CLPTM1: variants seen among roughly 807,000 people sequenced by gnomAD.
The protein encoded by CLPTM1 is putative lipid scramblase CLPTM1.
In CLPTM1, 21 loss-of-function variants were observed where a neutral mutation model predicts 77.3. The ratio of observed to expected loss-of-function variants is 0.27; its 90% CI spans 0.19 to 0.39. The LOEUF (loss-of-function observed/expected upper bound fraction) is 0.39. Among genes scored for constraint, CLPTM1 ranks in the 10% least tolerant of loss-of-function variants. CLPTM1 has a pLI of 1.00. For synonymous variants in CLPTM1, 373 were observed against 381.0 expected (o/e 0.98, Z 0.24); for missense variants, 642 against 921.2 (o/e 0.70, Z 3.92).
chr19:44,984,253 C>G (rs1970943997), intron 5 of CLPTM1: 1 of 152,240 alleles, frequency 6.6e-6, no homozygotes, highest in Non-Finnish European at 1.5e-5. Flanking sequence ...GTGCAGGCGC[C>G]CCATGTGTAT....
At position 44,964,298 on chromosome 19, in the gene CLPTM1, C is replaced by CTTTTTTTTTTTTTTTTTTTTTTTTTTT. The variant is rs35539206; in HGVS notation, c.185+2227_185+2253dup. The stretch of plus-strand genomic sequence containing the variant: ...TTTTAACCTATGTTTTCATTTTAAC[C>CTTTTTTTTTTTTTTTTTTTTTTTTTTT]TTTTTTTTTTTTTTTTTTTTTTTTT... On this transcript the variant is annotated intron_variant, in intron 2 of 13. Transcript: ENST00000337392. 5.9e-5 allele frequency among the ~76,000 whole-genome samples: 4 copies of CTTTTTTTTTTTTTTTTTTTTTTTTTTT among 68,120 alleles called. 1 individual carries two copies. The highest frequency in any genetic ancestry group is 1.2e-4 in the African/African-American group (2 of 16,010). The allele number at this position is 68,120 out of a possible 152,430, so 44.7% of individuals were successfully genotyped here.
Position 44,992,380 on chromosome 19 carries a change from G to C in CLPTM1, c.1703G>C (p.Arg568Pro). 1 of 1,614,124 alleles carries C rather than the reference G, an allele frequency of 6.2e-7. No homozygotes were observed. The highest frequency in any genetic ancestry group is 2.2e-5 in the East Asian group (1 of 44,872). ...AFVIKMPVMYRIGCLRDDVVF... is the reference protein window; with the variant it reads ...AFVIKMPVMYPIGCLRDDVVF... ...GTCATCAAGATGCCCGTTATGTACC[G>C]GATCGGCTGCCTGCGGGACGGTGAG... Residue 568 changes from arginine to proline, a missense_variant, in exon 13 of 14, where the codon CGG becomes CCG. By Grantham distance (103) the Arg-to-Pro change is moderately radical. Around this residue, in one of 2 missense-constraint regions of CLPTM1, gnomAD observed 521 missense variants for 800.4 expected, o/e 0.65. Coordinates refer to ENST00000337392, the MANE Select transcript of CLPTM1 (RefSeq NM_001294.4). The surrounding 1 kb of genome is among the most constrained non-coding windows in gnomAD (Gnocchi z 7.7).
Position 44,990,611 on chromosome 19 carries a change from C to T in CLPTM1, c.1323+26C>T, listed in dbSNP as rs754624920. On this transcript the variant is annotated intron_variant, in intron 10 of 13. Coordinates refer to ENST00000337392, the MANE Select transcript of CLPTM1 (RefSeq NM_001294.4). The surrounding 1 kb of genome is among the most constrained non-coding windows in gnomAD (Gnocchi z 4.8). ...GTAAGGCTGGGGCGCCATGCTGTCT[C>T]GGGAGCTGCAGGGGTTGGGAGGGGG... 1.7e-5 allele frequency: 27 copies of T among 1,608,894 alleles called. No homozygotes were observed. Among genetic ancestry groups the T allele is most frequent in the Admixed American group, 3.3e-5 (2 of 59,834 alleles).
In CLPTM1 at chr19:44,990,260, C is replaced by G; in HGVS notation, c.1133-135C>G. On this transcript the variant is annotated intron_variant, in intron 9 of 13. Coordinates refer to ENST00000337392, the MANE Select transcript of CLPTM1 (RefSeq NM_001294.4). This position sits in a 1 kb window ranked among gnomAD's most constrained non-coding sequence, Gnocchi z 4.8. ...GAGAGCCTTCCTGGGAGAGAGGGGTCTCGTTCAGCACCCCTCCTGAGGACC... is the reference window on the plus strand; with the variant it reads ...GAGAGCCTTCCTGGGAGAGAGGGGTGTCGTTCAGCACCCCTCCTGAGGACC... 2 of 815,966 alleles carry G rather than the reference C, an allele frequency of 2.5e-6. No homozygotes were observed. Among genetic ancestry groups the G allele is most frequent in the East Asian group, 2.5e-5 (1 of 40,756 alleles). The allele number at this position is 815,966 out of a possible 1,614,324, so 50.5% of individuals were successfully genotyped here.
chr19:44,992,864 T>G lies in CLPTM1; in HGVS notation c.1977T>G (p.Pro659=). Residue 659 remains proline (P), a synonymous_variant, in exon 14 of 14, where the codon CCT becomes CCG. Coordinates refer to ENST00000337392, the MANE Select transcript of CLPTM1 (RefSeq NM_001294.4). The surrounding 1 kb of genome is among the most constrained non-coding windows in gnomAD (Gnocchi z 7.7). ...ASSASEPQEA[P]PKPAEDKKKD ...CTGCCAGCGAGCCCCAGGAAGCCCC[T>G]CCAAAGCCAGCAGAGGACAAGAAAA... is the stretch of plus-strand genomic sequence containing the variant. The G allele has an allele frequency of 6.2e-7, 1 of 1,613,414 alleles. No individual in the cohort carries two copies. Among genetic ancestry groups the G allele is most frequent in the Non-Finnish European group, 8.5e-7 (1 of 1,179,842 alleles).
Position 44,992,954 on chromosome 19 carries a change from C to A in CLPTM1, c.*57C>A. On this transcript the variant is annotated 3_prime_UTR_variant, in exon 14 of 14. Transcript: ENST00000337392. The surrounding 1 kb of genome is among the most constrained non-coding windows in gnomAD (Gnocchi z 7.7). ...GGCGACCACTACCCCTGCGTCCCGG[C>A]CCCCTCGCCTCCCCTCCCTGTCGCC... 1 of 1,560,124 alleles carries A rather than the reference C, an allele frequency of 6.4e-7. No individual in the cohort carries two copies. Among genetic ancestry groups the A allele is most frequent in the South Asian group, 1.1e-5 (1 of 87,570 alleles).
Position 44,974,607 on chromosome 19 carries a change from G to A in CLPTM1, c.468+10G>A. On this transcript the variant is annotated intron_variant, in intron 4 of 13. Transcript: ENST00000337392. Reference sequence around the variant, plus strand: ...GCTCGATATCCCACAGGTGGGGGCAGCTCTCGGTTTCTGGCCCCATGGCTG... The same window carrying A: ...GCTCGATATCCCACAGGTGGGGGCAACTCTCGGTTTCTGGCCCCATGGCTG... 1 of 1,611,162 alleles carries A rather than the reference G, an allele frequency of 6.2e-7. No homozygotes were observed. The highest frequency in any genetic ancestry group is 1.7e-5 in the Admixed American group (1 of 59,790).
At chr19:44,989,449 C>T (rs775998340) in intron 9 of CLPTM1, among the ~76,000 whole-genome samples, 4 of 152,090 alleles carry the variant, frequency 2.6e-5, no homozygotes, top group African/African-American at 7.2e-5. Flanking sequence ...ACTGCTCCCA[C>T]GAGAACCCAC....
chr19:44,965,780 C>T (rs1479793413), intron 2 of CLPTM1, among the ~76,000 whole-genome samples: 1 of 152,246 alleles, frequency 6.6e-6, no homozygotes, highest in South Asian at 2.1e-4. Flanking sequence ...TGCCACTGCA[C>T]TCCAGCCTAG....
In CLPTM1 at chr19:44,977,361, T is replaced by A; in HGVS notation, c.487T>A (p.Ser163Thr). The change falls in exon 5 of 14, where the codon TCC becomes ACC. Residue 163 changes from serine (S) to threonine (T), a missense_variant. This residue lies in a region of CLPTM1 where 521 missense variants were observed against 800.4 expected (regional missense o/e 0.65). Transcript: ENST00000337392. ...DIPQSVQQNG[S>T]IYIHVYFTKS... ...TTTGCAGAGCGTCCAGCAGAACGGC[T>A]CCATCTACATCCACGTTTACTTCAC... is the stretch of plus-strand genomic sequence containing the variant. The A allele has an allele frequency of 6.2e-7, 1 of 1,609,590 alleles. No individual in the cohort carries two copies. The highest frequency in any genetic ancestry group is 8.5e-7 in the Non-Finnish European group (1 of 1,179,850).
rs200813739 is a variant in CLPTM1 at position 44,991,248 on chromosome 19, G to A, written c.1430G>A (p.Arg477Gln). ...CCTGTGGCCCCACAGATGGCATTCC[G>A]GTACCTGTCCTGGATCCTCTTCCCG... Reference protein sequence around the residue: ...STKVYDDMAFRYLSWILFPLL... With the variant: ...STKVYDDMAFQYLSWILFPLL... The change falls in exon 12 of 14, where the codon CGG becomes CAG. Residue 477 changes from arginine to glutamine, a missense_variant. Physicochemically the swap from Arg to Gln is conservative, Grantham distance 43 (BLOSUM62 1). Transcript: ENST00000337392. The surrounding 1 kb of genome is among the most constrained non-coding windows in gnomAD (Gnocchi z 5.4). 75 of 1,613,832 alleles carry A rather than the reference G, an allele frequency of 4.6e-5. No homozygotes were observed. The highest frequency in any genetic ancestry group is 2.2e-4 in the South Asian group (20 of 91,082).
Position 44,993,066 on chromosome 19 carries a change from G to A in CLPTM1, c.*169G>A. 4.6e-6 allele frequency: 4 copies of A among 865,640 alleles called. No individual in the cohort carries two copies. The highest frequency in any genetic ancestry group is 7.6e-6 in the Non-Finnish European group (4 of 527,996). The allele number at this position is 865,640 out of a possible 1,614,324, so 53.6% of individuals were successfully genotyped here. A position where few individuals can be genotyped will look rare whatever the true frequency, so the allele number is the denominator to read the frequency against. ...GTGATGTAGGGGCCGGGGCAGGCCAGGGTTTGTTTGTGGAGGCGCTGTCTG... is the reference window on the plus strand; with the variant it reads ...GTGATGTAGGGGCCGGGGCAGGCCAAGGTTTGTTTGTGGAGGCGCTGTCTG... On this transcript the variant is annotated 3_prime_UTR_variant, in exon 14 of 14. Coordinates refer to ENST00000337392, the MANE Select transcript of CLPTM1 (RefSeq NM_001294.4).
intron 5 of CLPTM1, among the ~76,000 whole-genome samples, chr19:44,982,346 CA>C (rs200485766): frequency 0.33 from 43,589 of 132,554 alleles, 6,408 homozygotes; most frequent in East Asian, 0.5. Context: ...GAGACTATGT[CA>C]AAAAAAAAAA....
At position 44,990,519 on chromosome 19, in the gene CLPTM1, C is replaced by T. The variant is rs780051742; in HGVS notation, c.1257C>T (p.Val419=). The T allele has an allele frequency of 1.9e-6, 3 of 1,614,140 alleles. No individual in the cohort carries two copies. The highest frequency in any genetic ancestry group is 2.5e-6 in the Non-Finnish European group (3 of 1,180,006). ...TGGACAACGAGACCAACTTCGTGGTCCAGGTCAGCGTCTTCATTGGGGTCC... is the reference window on the plus strand; with the variant it reads ...TGGACAACGAGACCAACTTCGTGGTTCAGGTCAGCGTCTTCATTGGGGTCC... ...YILDNETNFV[V]QVSVFIGVLI... Residue 419 remains valine (V), a synonymous_variant, in exon 10 of 14, where the codon GTC becomes GTT. Transcript: ENST00000337392. This position sits in a 1 kb window ranked among gnomAD's most constrained non-coding sequence, Gnocchi z 4.8.
intron 2 of CLPTM1, among the ~76,000 whole-genome samples, chr19:44,962,561 G>C (rs150004902): frequency 6.6e-6 from 1 of 152,014 alleles, no homozygotes; most frequent in Non-Finnish European, 1.5e-5. Context: ...TGTGTCCTAA[G>C]CTCCTCTTAT....
upstream of CLPTM1, chr19:44,955,319 G>A (rs767001569): frequency 4.2e-5 from 54 of 1,277,514 alleles, no homozygotes; most frequent in Admixed American, 1.8e-4. Flanking sequence ...AGGAAAGCGT[G>A]AAATCTCGCG....
At chr19:44,977,660 G>C (rs1193161365) in intron 5 of CLPTM1, among the ~76,000 whole-genome samples, 200 bp downstream of exon 5, 1 of 152,180 alleles carries the variant, frequency 6.6e-6, no homozygotes, top group African/African-American at 2.4e-5. Context: ...GGATACCCAC[G>C]GAGGAAGGGA....
At chr19:44,962,108 A>G (rs761148490) in intron 2 of CLPTM1, 33 bp downstream of exon 2, 1 of 1,189,240 alleles carries the variant, frequency 8.4e-7, no homozygotes, top group Non-Finnish European at 1.1e-6. Flanking sequence ...TGTTCACCGA[A>G]AACATTCAAA....
rs750231038 is a variant in CLPTM1 at position 44,974,490 on chromosome 19, A to G, written c.361A>G (p.Thr121Ala). 3 of 1,614,146 alleles carry G rather than the reference A, an allele frequency of 1.9e-6. No individual in the cohort carries two copies. The highest frequency in any genetic ancestry group is 2.5e-6 in the Non-Finnish European group (3 of 1,180,010). Residue 121 changes from threonine to alanine, a missense_variant, in exon 4 of 14, where the codon ACG becomes GCG. By Grantham distance (58) the Thr-to-Ala change is moderately conservative. Around this residue, in one of 2 missense-constraint regions of CLPTM1, gnomAD observed 521 missense variants for 800.4 expected, o/e 0.65. Transcript: ENST00000337392. ...CGAGCACTTTACAGACTTCAACGCC[A>G]CGTCGGCACTCTTCTGGGAACAGCA... Reference protein sequence around the residue: ...EHEHFTDFNATSALFWEQHDL... With the variant: ...EHEHFTDFNAASALFWEQHDL...
Sources: allele counts gnomAD v4.1 joint callset (sites outside exome capture counted in the v4.1 genomes callset), GRCh38; gene constraint gnomAD v4.1.1; regional missense constraint gnomAD v4.1.1; non-coding constraint Gnocchi (gnomAD v3.1); transcripts MANE v1.5; gene names NCBI Gene and HGNC (gene_info 2026-07-23, HGNC 2026-07-21).